Variants in MMP26 observed in about 807,000 individuals in gnomAD.
MMP26 encodes the protein matrix metalloproteinase-26.
MMP26 carries 33 observed loss-of-function variants against 31.0 expected under a neutral mutation model. The observed-to-expected ratio is 1.06, with a 90% CI of 0.81 to 1.42. MMP26 has a LOEUF of 1.42. Among genes scored for constraint, MMP26 ranks in the 40% most tolerant of loss-of-function variants. The pLI, the probability that MMP26 is intolerant of heterozygous loss-of-function variation, is 0.00. For missense variants in MMP26, 347 were observed against 316.1 expected (o/e 1.10, Z -0.74); for synonymous variants, 122 against 114.9 (o/e 1.06, Z -0.40).
At chr11:4,755,934 C>T (rs1006072709) in intron 1 of MMP26, among the ~76,000 whole-genome samples, 1 of 151,966 alleles carries the variant, frequency 6.6e-6, no homozygotes, top group Non-Finnish European at 1.5e-5. Context: ...AGAGCATGAG[C>T]ATATATGAAG....
intron 2 of MMP26, among the ~76,000 whole-genome samples, chr11:4,879,205 G>A (rs965189212): frequency 2.0e-5 from 3 of 152,098 alleles, no homozygotes; most frequent in Non-Finnish European, 4.4e-5. Context: ...CTGCACTCCA[G>A]CCTCAGTGAC....
rs566802139 is a variant in MMP26 at position 4,853,912 on chromosome 11, TA to T, written c.-145+86581del. On this transcript the variant is annotated intron_variant, in intron 2 of 7. Coordinates refer to ENST00000380390, the MANE Select transcript of MMP26 (RefSeq NM_021801.5). ...TATTAGCAAATTAAATTTGGCTACA[TA>T]AAAAAAAAATTCTGCACTGTGATTT... Among the ~76,000 whole-genome samples, 26 of 150,544 alleles carry T rather than the reference TA, an allele frequency of 1.7e-4. No homozygotes were observed. In the East Asian group the frequency reaches 2.1e-3, roughly 12 times the overall value.
intron 2 of MMP26, among the ~76,000 whole-genome samples, chr11:4,854,126 C>G (rs1434690016): frequency 6.6e-6 from 1 of 152,106 alleles, no homozygotes; most frequent in Non-Finnish European, 1.5e-5. Flanking sequence ...AGGAACAGCT[C>G]CAGTCTATAG....
At chr11:4,802,631 TAATTA>T (rs1427133535) in intron 2 of MMP26, among the ~76,000 whole-genome samples, 4 of 152,136 alleles carry the variant, frequency 2.6e-5, no homozygotes, top group Non-Finnish European at 5.9e-5. Flanking sequence ...AATAAAAACA[TAATTA>T]AATTAAATTT....
chr11:4,860,096 C>T (rs1850126414), intron 2 of MMP26: 1 of 471,036 alleles, frequency 2.1e-6, no homozygotes, highest in Admixed American at 2.4e-5. Context: ...GGGAATACCA[C>T]ACAGACTGCC....
intron 2 of MMP26, among the ~76,000 whole-genome samples, chr11:4,824,676 A>G (rs750808465): frequency 1.1e-4 from 17 of 152,206 alleles, no homozygotes; most frequent in Middle Eastern, 3.4e-3. Context: ...AACTTCCCTG[A>G]TATTTCTATA....
chr11:4,816,374 T>C (rs753482059), intron 2 of MMP26, among the ~76,000 whole-genome samples: 1 of 152,218 alleles, frequency 6.6e-6, no homozygotes, highest in Non-Finnish European at 1.5e-5. Context: ...CAGGTCCATT[T>C]GGTGTAGAGC....
chr11:4,926,442 TAAAGA>T (rs1851274958), intron 2 of MMP26, among the ~76,000 whole-genome samples: 1 of 152,020 alleles, frequency 6.6e-6, no homozygotes, highest in South Asian at 2.1e-4. Context: ...GAAATAGCAA[TAAAGA>T]AGAGAAAATT....
At chr11:4,714,026 G>A (rs934903263) in intron 1 of MMP26, among the ~76,000 whole-genome samples, 3 of 152,168 alleles carry the variant, frequency 2.0e-5, no homozygotes, top group African/African-American at 4.8e-5. Context: ...GGCATCCTGA[G>A]ATATGGCTTC....
intron 2 of MMP26, among the ~76,000 whole-genome samples, chr11:4,840,213 G>A (rs1249477619): frequency 1.3e-5 from 2 of 152,182 alleles, no homozygotes; most frequent in African/African-American, 2.4e-5. Context: ...CTAAATCCCC[G>A]ACAGCATCTC....
At chr11:4,768,367 A>G (rs1252602247) in intron 2 of MMP26, among the ~76,000 whole-genome samples, 2 of 152,208 alleles carry the variant, frequency 1.3e-5, no homozygotes, top group Admixed American at 6.5e-5. Context: ...TGAATTATCC[A>G]TGAAGAAAAC....
At chr11:4,764,879 G>GACACACACACACACAC (rs60775849) in intron 1 of MMP26, among the ~76,000 whole-genome samples, 1 of 150,276 alleles carries the variant, frequency 6.7e-6, no homozygotes, top group African/African-American at 2.4e-5. Context: ...CTCCATCACA[G>GACACACACACACACAC]ACACACACAC....
chr11:4,986,825 G>T (rs920095719), intron 2 of MMP26, among the ~76,000 whole-genome samples: 1 of 137,450 alleles, frequency 7.3e-6, no homozygotes, highest in East Asian at 2.3e-4. Context: ...GAGCCACTGC[G>T]CCTGGCCTAG....
At chr11:4,708,866 CT>C in intron 1 of MMP26, among the ~76,000 whole-genome samples, 1 of 152,296 alleles carries the variant, frequency 6.6e-6, no homozygotes, top group Non-Finnish European at 1.5e-5. Flanking sequence ...TTTAAGCCAT[CT>C]TTTTTCAGGC....
intron 1 of MMP26, among the ~76,000 whole-genome samples, chr11:4,734,914 C>T (rs979620938): frequency 2.0e-5 from 3 of 149,340 alleles, no homozygotes; most frequent in African/African-American, 7.4e-5. Context: ...GATGGGTCCC[C>T]AGTATTCTCT....
chr11:4,948,496 GCAATAT>G (rs530315213), intron 2 of MMP26, among the ~76,000 whole-genome samples: 1 of 123,548 alleles, frequency 8.1e-6, no homozygotes, highest in East Asian at 2.3e-4. Flanking sequence ...GGTTTGCCAA[GCAATAT>G]TTAAGGAGTT....
chr11:4,838,153 T>C (rs1029981425), intron 2 of MMP26, among the ~76,000 whole-genome samples: 1 of 149,372 alleles, frequency 6.7e-6, no homozygotes, highest in Non-Finnish European at 1.5e-5. Flanking sequence ...CTGTCTCTAC[T>C]AAAAATACAA....
intron 1 of MMP26, among the ~76,000 whole-genome samples, chr11:4,734,846 T>TATA (rs1296636856): frequency 7.6e-4 from 115 of 151,142 alleles, no homozygotes; most frequent in Middle Eastern, 6.9e-3. Context: ...ATAGCATATT[T>TATA]TCAGCTTGTA....
intron 2 of MMP26, chr11:4,803,421 C>T (rs769390688): frequency 6.4e-7 from 1 of 1,552,020 alleles, no homozygotes; most frequent in South Asian, 1.2e-5. Context: ...TGGGGATACA[C>T]TGACCCTTTG....
Sources: allele counts gnomAD v4.1 joint callset (sites outside exome capture counted in the v4.1 genomes callset), GRCh38; gene constraint gnomAD v4.1.1; transcripts MANE v1.5; gene names NCBI Gene and HGNC (gene_info 2026-07-23, HGNC 2026-07-21).